Variants in SMC4 observed in about 807,000 individuals in gnomAD.
SMC4 encodes structural maintenance of chromosomes 4.
SMC4 carries 87 observed loss-of-function variants against 145.6 expected under a neutral mutation model. The ratio of observed to expected loss-of-function variants is 0.60; its 90% CI spans 0.50 to 0.71. The LOEUF is 0.71. Ranked by LOEUF, SMC4 falls within the 30% of genes least tolerant of loss-of-function variation. SMC4 has a pLI of 0.00. For missense variants in SMC4, 1,447 were observed against 1,537.1 expected (o/e 0.94, Z 0.98); for synonymous variants, 558 against 500.7 (o/e 1.11, Z -1.53).
chr3:160,432,080 T>A (rs1300035233), intron 21 of SMC4, among the ~76,000 whole-genome samples: 1 of 152,150 alleles, frequency 6.6e-6, no homozygotes, highest in Non-Finnish European at 1.5e-5. Context: ...CACGTGCCTG[T>A]AATCCCGGGT....
At chr3:160,421,944 C>A (rs186215223) in intron 13 of SMC4, among the ~76,000 whole-genome samples, 114 of 152,286 alleles carry the variant, frequency 7.5e-4, no homozygotes, top group African/African-American at 2.6e-3. Flanking sequence ...GTAGATTTAT[C>A]TACATATAAA....
At chr3:160,418,110 A>T (rs1259505680) in intron 11 of SMC4, among the ~76,000 whole-genome samples, 154 bp downstream of exon 11, 1 of 152,178 alleles carries the variant, frequency 6.6e-6, no homozygotes, top group East Asian at 1.9e-4. Context: ...TCAGTATTCC[A>T]TATGTGAACT....
At chr3:160,428,119 C>T (rs749563204) in intron 17 of SMC4, among the ~76,000 whole-genome samples, 22 of 152,196 alleles carry the variant, frequency 1.4e-4, no homozygotes, top group Non-Finnish European at 2.8e-4. Context: ...CCTCTAACTT[C>T]GTTACAGAAA....
At chr3:160,433,518 G>A (rs1023425499) in intron 23 of SMC4, 139 bp from the exon 24 acceptor site, 2 of 597,472 alleles carry the variant, frequency 3.3e-6, no homozygotes, top group Non-Finnish European at 5.7e-6. Context: ...CTCAAATACT[G>A]TTTTATGAAT....
rs1387783961 is a variant in SMC4, at chr3:160,404,413, T to C, written c.596T>C (p.Ile199Thr). ...AGAGATAATACTTCTGTCTATCACA[T>C]AAGTGGAAAGAAAAAGACATTTAAG... ...ACRDNTSVYH[I>T]SGKKKTFKDV... is the part of the protein sequence containing the mutation. Residue 199 changes from isoleucine (I) to threonine (T), a missense_variant, in exon 5 of 24, where the codon ATA becomes ACA. Physicochemically the swap from Ile to Thr is moderately conservative, Grantham distance 89 (BLOSUM62 -1). Transcript: ENST00000357388. The C allele has an allele frequency of 1.2e-6, 2 of 1,611,690 alleles. No homozygotes were observed. The highest frequency in any genetic ancestry group is 1.7e-6 in the Non-Finnish European group (2 of 1,178,836).
chr3:160,401,256 T>C (rs545207339), intron 2 of SMC4, among the ~76,000 whole-genome samples: 8 of 152,228 alleles, frequency 5.3e-5, no homozygotes, highest in African/African-American at 1.9e-4. Context: ...AATATCTTTA[T>C]TGTATTCCCG....
intron 9 of SMC4, 63 bp from the exon 10 acceptor site, chr3:160,416,188 A>C: frequency 3.3e-6 from 4 of 1,203,238 alleles, no homozygotes; most frequent in Non-Finnish European, 3.4e-6. Context: ...TAAATATGTC[A>C]AATATTGATA....
At chr3:160,430,805 G>A (rs1199398042) in intron 19 of SMC4, 62 bp downstream of exon 19, 1 of 1,532,404 alleles carries the variant, frequency 6.5e-7, no homozygotes, top group Non-Finnish European at 8.8e-7. Flanking sequence ...TAAAGAGCTG[G>A]ATATATGACA....
At chr3:160,421,637 G>A (rs550028832) in intron 13 of SMC4, among the ~76,000 whole-genome samples, 29 of 152,214 alleles carry the variant, frequency 1.9e-4, no homozygotes, top group Non-Finnish European at 3.2e-4. Flanking sequence ...TCAGCTACTC[G>A]GGAGGCTGAA....
At chr3:160,412,683 A>G in intron 7 of SMC4, 17 of 848,894 alleles carry the variant, frequency 2.0e-5, no homozygotes, top group South Asian at 6.3e-5. Flanking sequence ...GCAACATAGC[A>G]AGACCCCATC....
chr3:160,415,589 A>G (rs924780347), intron 9 of SMC4, among the ~76,000 whole-genome samples: 3 of 152,260 alleles, frequency 2.0e-5, no homozygotes, highest in African/African-American at 4.8e-5. Flanking sequence ...CAGCTGATAA[A>G]TACGTTGAGT....
rs570563697 is a variant in SMC4, at chr3:160,430,662, A to G, written c.2859A>G (p.Lys953=). Residue 953 remains lysine (K), a synonymous_variant, in exon 19 of 24, where the codon AAA becomes AAG. Coordinates refer to ENST00000357388, the MANE Select transcript of SMC4 (RefSeq NM_001002800.3). The part of the protein sequence containing the change: ...RTEKEIKDTE[K]EVDDLTAELK... ...AGAAAGAAATAAAAGATACTGAGAAAGAGGTGGATGACCTAACAGCAGAGC... is the reference window on the plus strand; with the variant it reads ...AGAAAGAAATAAAAGATACTGAGAAGGAGGTGGATGACCTAACAGCAGAGC... The G allele has an allele frequency of 2.5e-6, 4 of 1,613,802 alleles. No homozygotes were observed. The highest frequency in any genetic ancestry group is 2.2e-5 in the South Asian group (2 of 91,034).
At position 160,414,370 on chromosome 3, in the gene SMC4, A is replaced by G; in HGVS notation, c.1125A>G (p.Lys375=). 1 of 1,593,928 alleles carries G rather than the reference A, an allele frequency of 6.3e-7. No homozygotes were observed. The highest frequency in any genetic ancestry group is 8.6e-7 in the Non-Finnish European group (1 of 1,163,522). ...KNKDVKDTEK[K]LNKITKFIEE... The stretch of plus-strand genomic sequence containing the variant: ...TACAATATACTTGCTTTGCTAGGAA[A>G]CTGAATAAAATTACAAAATTTATTG... Residue 375 remains lysine, a synonymous_variant, in exon 9 of 24, where the codon AAA becomes AAG. Coordinates refer to ENST00000357388, the MANE Select transcript of SMC4 (RefSeq NM_001002800.3).
At chr3:160,419,306 G>C in intron 11 of SMC4, 52 bp from the exon 12 acceptor site, 3 of 1,195,914 alleles carry the variant, frequency 2.5e-6, no homozygotes, top group Non-Finnish European at 3.6e-6. Context: ...TGCTATGACT[G>C]GTCATATTTA....
intron 12 of SMC4, among the ~76,000 whole-genome samples, chr3:160,420,300 G>A (rs946277396): frequency 2.6e-5 from 4 of 152,044 alleles, no homozygotes; most frequent in African/African-American, 7.2e-5. Context: ...TCTTGTATCG[G>A]GACTTCCACC....
intron 18 of SMC4, among the ~76,000 whole-genome samples, chr3:160,429,366 CAG>C (rs1409159584): frequency 6.6e-6 from 1 of 152,268 alleles, no homozygotes; most frequent in East Asian, 1.9e-4. Context: ...TTTTTTGATA[CAG>C]AGTCTTGCTG....
chr3:160,411,741 A>C (rs1716008876), intron 5 of SMC4, 179 bp from the exon 6 acceptor site: 1 of 484,450 alleles, frequency 2.1e-6, no homozygotes, highest in Non-Finnish European at 3.6e-6. Flanking sequence ...TAAAACTCTT[A>C]GGAATACCAG....
Position 160,416,240 on chromosome 3 carries a change from T to C in SMC4, c.1273-11T>C, listed in dbSNP as rs780968694. Reference sequence around the variant, plus strand: ...AGATGTATGCTCCTATAACTTGTTTTATAATCTCAGGTTGAAGAATTTAAA... The same window carrying C: ...AGATGTATGCTCCTATAACTTGTTTCATAATCTCAGGTTGAAGAATTTAAA... On this transcript the variant is annotated splice_polypyrimidine_tract_variant and intron_variant, in intron 9 of 23. Coordinates refer to ENST00000357388, the MANE Select transcript of SMC4 (RefSeq NM_001002800.3). 6.4e-7 allele frequency: 1 copy of C among 1,569,588 alleles called. No individual in the cohort carries two copies. Among genetic ancestry groups the C allele is most frequent in the South Asian group, 1.2e-5 (1 of 83,728 alleles).
At position 160,428,820 on chromosome 3, in the gene SMC4, C is replaced by T. The variant is rs768349553; in HGVS notation, c.2673C>T (p.Ile891=). Residue 891 remains isoleucine, a synonymous_variant, in exon 18 of 24, where the codon ATC becomes ATT. Coordinates refer to ENST00000357388, the MANE Select transcript of SMC4 (RefSeq NM_001002800.3). The stretch of plus-strand genomic sequence containing the variant: ...AGGTTAAACGCTTACACAATACCAT[C>T]GTAGAAATCAATAATCATAAACTCA... ...EAEVKRLHNT[I]VEINNHKLKA... 39 of 1,606,826 alleles carry T rather than the reference C, an allele frequency of 2.4e-5. No individual in the cohort carries two copies. The South Asian group carries it at 2.6e-4, about 11-fold the overall frequency.
Sources: allele counts gnomAD v4.1 joint callset (sites outside exome capture counted in the v4.1 genomes callset), GRCh38; gene constraint gnomAD v4.1.1; transcripts MANE v1.5; gene names NCBI Gene and HGNC (gene_info 2026-07-23, HGNC 2026-07-21).